DNM2: variants seen among roughly 807,000 people sequenced by gnomAD.
The protein encoded by DNM2 is dynamin 2, also known as dynamin-2.
In DNM2, 15 loss-of-function variants were observed where a neutral mutation model predicts 99.0. The ratio of observed to expected loss-of-function variants is 0.15; its 90% CI spans 0.10 to 0.23. The LOEUF is 0.23. Ranked by LOEUF, DNM2 falls within the 10% of genes least tolerant of loss-of-function variation. The pLI is 1.00. For missense variants in DNM2, 742 were observed against 1,189.4 expected (o/e 0.62, Z 5.53); for synonymous variants, 525 against 481.2 (o/e 1.09, Z -1.19).
intron 2 of DNM2, among the ~76,000 whole-genome samples, chr19:10,767,300 A>G (rs919834479): frequency 1.3e-5 from 2 of 151,012 alleles, no homozygotes; most frequent in African/African-American, 4.9e-5. Context: ...CCTCCACTCT[A>G]TTTCTCTTTT....
At chr19:10,727,164 A>G (rs1568264197) in intron 1 of DNM2, among the ~76,000 whole-genome samples, 1 of 152,168 alleles carries the variant, frequency 6.6e-6, no homozygotes, top group Non-Finnish European at 1.5e-5. Flanking sequence ...GTTTATAATC[A>G]GGAAGACAGA....
At chr19:10,783,364 G>C (rs575830082) in intron 6 of DNM2, among the ~76,000 whole-genome samples, 6 of 152,318 alleles carry the variant, frequency 3.9e-5, no homozygotes, top group African/African-American at 1.4e-4. Flanking sequence ...GTACTCAGGA[G>C]GCTGAGGCAG....
chr19:10,805,954 C>T lies in DNM2; in HGVS notation c.1532C>T (p.Ala511Val). 1 of 1,614,150 alleles carries T rather than the reference C, an allele frequency of 6.2e-7. No homozygotes were observed. The highest frequency in any genetic ancestry group is 2.2e-5 in the East Asian group (1 of 44,880). Residue 511 changes from alanine to valine, a missense_variant, in exon 13 of 21, where the codon GCC (alanine) becomes GTC (valine). By Grantham distance (64) the Ala-to-Val change is moderately conservative. This residue lies in a region of DNM2 where 240 missense variants were observed against 431.3 expected (regional missense o/e 0.56). Coordinates refer to ENST00000389253, the MANE Select transcript of DNM2 (RefSeq NM_001005361.3). Reference protein sequence around the residue: ...QRSTQLNKKRAIPNQGEILVI... With the variant: ...QRSTQLNKKRVIPNQGEILVI... ...AGCACGCAGCTGAACAAGAAGAGAG[C>T]CATCCCCAATCAGGTAGCACACCCC...
intron 14 of DNM2, chr19:10,810,441 G>A (rs551726134): frequency 6.6e-6 from 1 of 152,344 alleles, no homozygotes; most frequent in East Asian, 1.9e-4. Flanking sequence ...GTGGGATTTT[G>A]TCTCTGAACC....
intron 7 of DNM2, among the ~76,000 whole-genome samples, chr19:10,792,610 TTTC>T (rs879355735): frequency 8.5e-5 from 13 of 152,096 alleles, no homozygotes; most frequent in Non-Finnish European, 1.5e-4. Flanking sequence ...CTTTCTTTTT[TTTC>T]TTCTTTTTTT....
At position 10,795,316 on chromosome 19, in the gene DNM2, T is replaced by TGCCACGGGGGC. The variant is rs2071893724; in HGVS notation, c.1129-52_1129-42dup. ...AGAGAACGTTCCCCAGATGCACGCC[T>TGCCACGGGGGC]GCCACGGGGGCGCCCCGGGTGCCTC... On this transcript the variant is annotated intron_variant, in intron 8 of 20. Transcript: ENST00000389253. This position sits in a 1 kb window ranked among gnomAD's most constrained non-coding sequence, Gnocchi z 4.2. The TGCCACGGGGGC allele has an allele frequency of 6.3e-7, 1 of 1,581,510 alleles. No homozygotes were observed. The highest frequency in any genetic ancestry group is 1.3e-5 in the African/African-American group (1 of 74,274).
intron 1 of DNM2, among the ~76,000 whole-genome samples, chr19:10,744,741 C>G (rs1267085137): frequency 6.6e-6 from 1 of 152,178 alleles, no homozygotes; most frequent in Non-Finnish European, 1.5e-5. Context: ...TTTTACAGAG[C>G]AGGACACCTG....
chr19:10,807,069 T>TTAC (rs1230359208), intron 13 of DNM2, among the ~76,000 whole-genome samples: 1 of 151,512 alleles, frequency 6.6e-6, no homozygotes, highest in African/African-American at 2.4e-5. Context: ...CTTCAGTACC[T>TTAC]TATTATTATT....
chr19:10,775,556 A>G lies in DNM2; in HGVS notation c.386-147A>G. 2 of 865,144 alleles carry G rather than the reference A, an allele frequency of 2.3e-6. No individual in the cohort carries two copies. Among genetic ancestry groups the G allele is most frequent in the South Asian group, 2.7e-5 (2 of 75,318 alleles). The allele number at this position is 865,144 out of a possible 1,614,324, so 53.6% of individuals were successfully genotyped here. A position where few individuals can be genotyped will look rare whatever the true frequency, so the allele number is the denominator to read the frequency against. On this transcript the variant is annotated intron_variant, in intron 3 of 20. Coordinates refer to ENST00000389253, the MANE Select transcript of DNM2 (RefSeq NM_001005361.3). The surrounding 1 kb of genome is among the most constrained non-coding windows in gnomAD (Gnocchi z 4.3). ...ATCCTAGAAGGGGAGTTACTGGATCAAAGGTGTGGTTCAGGCAGAGTGTCA... is the reference window on the plus strand; with the variant it reads ...ATCCTAGAAGGGGAGTTACTGGATCGAAGGTGTGGTTCAGGCAGAGTGTCA...
intron 1 of DNM2, among the ~76,000 whole-genome samples, chr19:10,742,744 A>T (rs1402102606): frequency 6.6e-6 from 1 of 152,094 alleles, no homozygotes; most frequent in Non-Finnish European, 1.5e-5. Flanking sequence ...CTCATTGGTC[A>T]GGAGGGCTGC....
chr19:10,747,904 C>T (rs1387695580), intron 1 of DNM2, among the ~76,000 whole-genome samples: 1 of 152,112 alleles, frequency 6.6e-6, no homozygotes, highest in Admixed American at 6.6e-5. Flanking sequence ...GAGCTGCCCG[C>T]CTGCTCTGTT....
intron 5 of DNM2, among the ~76,000 whole-genome samples, chr19:10,778,610 C>G (rs1184667580): frequency 6.6e-6 from 1 of 152,074 alleles, no homozygotes; most frequent in South Asian, 2.1e-4. Context: ...TATGATCACA[C>G]TACTACACTC....
At chr19:10,728,993 A>G (rs1003616149) in intron 1 of DNM2, among the ~76,000 whole-genome samples, 1 of 147,700 alleles carries the variant, frequency 6.8e-6, no homozygotes, top group Non-Finnish European at 1.5e-5. Flanking sequence ...TAATCCCAAC[A>G]CTTTGGGAGG....
At chr19:10,828,850 GGGAGGC>G (rs2073236466) in intron 18 of DNM2, 180 bp from the exon 19 acceptor site, 4 of 618,430 alleles carry the variant, frequency 6.5e-6, no homozygotes, top group Non-Finnish European at 8.7e-6. Flanking sequence ...ACTTGAACCC[GGGAGGC>G]GGAGGTTGCA....
At chr19:10,752,104 T>A (rs1285653535) in intron 1 of DNM2, among the ~76,000 whole-genome samples, 1 of 152,208 alleles carries the variant, frequency 6.6e-6, no homozygotes, top group Non-Finnish European at 1.5e-5. Context: ...GGAAGGGATG[T>A]CTGTAGTGAA....
At chr19:10,822,872 C>T (rs1158564358) in intron 16 of DNM2, among the ~76,000 whole-genome samples, 7 of 151,462 alleles carry the variant, frequency 4.6e-5, no homozygotes, top group Non-Finnish European at 7.4e-5. Context: ...TTTGGGAGGC[C>T]GAGGCAGGTA....
In DNM2 at chr19:10,772,054, TTTTTA is replaced by T. The variant is rs61545691; in HGVS notation, c.236-401_236-397del. 1.8e-4 allele frequency among the ~76,000 whole-genome samples: 26 copies of T among 146,584 alleles called. No individual in the cohort carries two copies. Among genetic ancestry groups the T allele is most frequent in the South Asian group, 6.6e-4 (3 of 4,564 alleles). ...GACGATGATTGGGTCATTATTTTCT[TTTTTA>T]TTTTATTTTATTTTATTTTATTTAT... On this transcript the variant is annotated intron_variant, in intron 2 of 20. Coordinates refer to ENST00000389253, the MANE Select transcript of DNM2 (RefSeq NM_001005361.3). This position sits in a 1 kb window ranked among gnomAD's most constrained non-coding sequence, Gnocchi z 4.9.
intron 1 of DNM2, among the ~76,000 whole-genome samples, chr19:10,749,711 T>C (rs2070127298): frequency 6.6e-6 from 1 of 152,244 alleles, no homozygotes; most frequent in Admixed American, 6.5e-5. Context: ...GAGCACACAC[T>C]GTCTGGCAGG....
chr19:10,757,199 T>C (rs566202691), intron 1 of DNM2, among the ~76,000 whole-genome samples: 3 of 152,202 alleles, frequency 2.0e-5, no homozygotes, highest in Non-Finnish European at 4.4e-5. Context: ...CTGTTGCCCA[T>C]CACGATCCCT....
Sources: gnomAD v4.1 joint callset for allele counts (sites outside exome capture counted in the v4.1 genomes callset) on GRCh38, gnomAD v4.1.1 for gene constraint, gnomAD v4.1.1 regional missense constraint, Gnocchi (gnomAD v3.1) non-coding constraint, MANE v1.5 for transcripts, NCBI Gene and HGNC (gene_info 2026-07-23, HGNC 2026-07-21) for gene names.